Variants in UBA6 observed in about 807,000 individuals in gnomAD.
The protein encoded by UBA6 is ubiquitin-like modifier-activating enzyme 6.
A neutral mutation model predicts 148.3 loss-of-function variants in UBA6; 87 were observed. The observed-to-expected ratio is 0.59, with a 90% CI of 0.49 to 0.70. The LOEUF (loss-of-function observed/expected upper bound fraction) is 0.70, where lower values mean the gene tolerates loss of function less well. UBA6 is among the 30% of genes least tolerant of loss of function. UBA6 has a pLI of 0.00. For synonymous variants in UBA6, 376 were observed against 401.0 expected (o/e 0.94, Z 0.75); for missense variants, 1,186 against 1,241.2 (o/e 0.96, Z 0.67).
intron 1 of UBA6, among the ~76,000 whole-genome samples, chr4:67,698,685 C>T (rs959700332): frequency 9.9e-5 from 15 of 152,178 alleles, no homozygotes; most frequent in Admixed American, 8.5e-4. Context: ...ATGGGATGGG[C>T]GCGGTGGCTC....
In UBA6 at chr4:67,676,532, T is replaced by C. The variant is rs534955638; in HGVS notation, c.465+1079A>G. ...CTTGTCCACCCTTTCACTGAGGGCATAGCTCTCTGAGGCTCCAGCTTTATG... is the reference window on the plus strand; with the variant it reads ...CTTGTCCACCCTTTCACTGAGGGCACAGCTCTCTGAGGCTCCAGCTTTATG... On this transcript the variant is annotated intron_variant, in intron 6 of 32. Transcript: ENST00000322244. Among the ~76,000 whole-genome samples, 106 of 152,316 alleles carry C rather than the reference T, an allele frequency of 7.0e-4. 1 individual carries two copies. In the South Asian group the frequency reaches 0.016, roughly 23 times the overall value.
rs2109931424 is a variant in UBA6, at chr4:67,660,991, G to A, written c.1104+1198C>T. Among the ~76,000 whole-genome samples the A allele has an allele frequency of 1.3e-5, 2 of 152,278 alleles. 1 individual carries two copies. The highest frequency in any genetic ancestry group is 1.3e-4 in the Admixed American group (2 of 15,298). ...GCCCTATGGGATTTTATAGTGCATG[G>A]GGCCTGAAGTCCCTTTGTTTTGTCC... On this transcript the variant is annotated intron_variant, in intron 13 of 32. Transcript: ENST00000322244.
intron 15 of UBA6, 99 bp downstream of exon 15, chr4:67,646,625 T>C: frequency 1.2e-6 from 1 of 824,210 alleles, no homozygotes; most frequent in Non-Finnish European, 1.9e-6. Flanking sequence ...ACTACAAAAG[T>C]GATTTGGGAG....
intron 31 of UBA6, 95 bp from the exon 32 acceptor site, chr4:67,623,020 T>TA: frequency 3.0e-6 from 4 of 1,354,578 alleles, no homozygotes; most frequent in Non-Finnish European, 4.1e-6. Flanking sequence ...TTATGACCAG[T>TA]AAAAAAAGCA....
At chr4:67,627,480 A>C (rs1032129047) in intron 27 of UBA6, among the ~76,000 whole-genome samples, 4 of 151,990 alleles carry the variant, frequency 2.6e-5, no homozygotes, top group Non-Finnish European at 5.9e-5. Context: ...TGCAAGCCAG[A>C]AAACATACCG....
At chr4:67,650,253 C>T (rs1197704793) in intron 13 of UBA6, among the ~76,000 whole-genome samples, 2 of 152,066 alleles carry the variant, frequency 1.3e-5, no homozygotes, top group African/African-American at 4.8e-5. Context: ...CAAAATAATC[C>T]TTATAAATAT....
At chr4:67,644,592 C>G (rs1729377605) in intron 17 of UBA6, 106 bp downstream of exon 17, 2 of 630,802 alleles carry the variant, frequency 3.2e-6, no homozygotes, top group Non-Finnish European at 5.6e-6. Context: ...TAGTTTAATG[C>G]TCTATTTTCA....
intron 2 of UBA6, among the ~76,000 whole-genome samples, chr4:67,694,215 C>CAAAAAAAAAAAA (rs769649769): frequency 3.1e-4 from 13 of 41,874 alleles, no homozygotes; most frequent in Non-Finnish European, 4.8e-4. Context: ...GACTCCATCT[C>CAAAAAAAAAAAA]AAAAAAAAAA....
chr4:67,630,133 A>ATTC (rs1728963070), intron 26 of UBA6, among the ~76,000 whole-genome samples: 1 of 152,180 alleles, frequency 6.6e-6, no homozygotes, highest in South Asian at 2.1e-4. Flanking sequence ...CAAAATTGCG[A>ATTC]TGAAATGGTT....
intron 2 of UBA6, 127 bp downstream of exon 2, chr4:67,696,518 T>TACACACACACAC: frequency 1.8e-6 from 1 of 566,082 alleles, no homozygotes; most frequent in South Asian, 2.6e-5. Context: ...CATATATACA[T>TACACACACACAC]ACACACACAC....
chr4:67,682,361 A>T (rs972608470), intron 2 of UBA6, 148 bp from the exon 3 acceptor site: 6 of 602,268 alleles, frequency 1.0e-5, no homozygotes, highest in Non-Finnish European at 1.8e-5. Context: ...ACATTTCTGA[A>T]TTAAATGCCA....
chr4:67,624,041 G>A (rs911491079), intron 30 of UBA6, 85 bp downstream of exon 30: 5 of 1,192,364 alleles, frequency 4.2e-6, no homozygotes, highest in Middle Eastern at 3.1e-4. Flanking sequence ...AGAAAAAAGA[G>A]GTGAAGCTAG....
chr4:67,642,703 T>C (rs924305829), intron 17 of UBA6, among the ~76,000 whole-genome samples: 2 of 152,118 alleles, frequency 1.3e-5, no homozygotes, highest in Non-Finnish European at 2.9e-5. Context: ...AAGTCTATTA[T>C]GCAATCTCTT....
intron 19 of UBA6, 52 bp downstream of exon 19, chr4:67,638,891 A>G: frequency 7.4e-7 from 1 of 1,356,350 alleles, no homozygotes; most frequent in Non-Finnish European, 1.0e-6. Flanking sequence ...TGTGGGAAAC[A>G]GAAGTGAAAA....
intron 12 of UBA6, 186 bp from the exon 13 acceptor site, chr4:67,662,441 A>AT (rs1729884183): frequency 2.0e-6 from 1 of 499,754 alleles, no homozygotes. Flanking sequence ...AATCACACTT[A>AT]TATCAGTATA....
chr4:67,653,305 GC>G (rs1251484614), intron 13 of UBA6, among the ~76,000 whole-genome samples: 35 of 152,140 alleles, frequency 2.3e-4, no homozygotes, highest in Admixed American at 2.3e-3. Flanking sequence ...ACAGGTGGGT[GC>G]CCCTCTGGGA....
At chr4:67,625,244 G>C in intron 28 of UBA6, 57 bp from the exon 29 acceptor site, 1 of 1,293,688 alleles carries the variant, frequency 7.7e-7, no homozygotes, top group Middle Eastern at 2.0e-4. Context: ...GATTTTACTA[G>C]GTAAAAAGCA....
chr4:67,647,101 A>G (rs1356186407), intron 14 of UBA6, among the ~76,000 whole-genome samples: 2 of 152,176 alleles, frequency 1.3e-5, no homozygotes, highest in Non-Finnish European at 2.9e-5. Flanking sequence ...TTTCATAACT[A>G]CACAAAAGCT....
chr4:67,648,822 C>T (rs188297595), intron 14 of UBA6, among the ~76,000 whole-genome samples: 24 of 152,198 alleles, frequency 1.6e-4, no homozygotes, highest in Admixed American at 1.4e-3. Context: ...CATTCATTCC[C>T]TTACTATCAC....
Sources: allele counts gnomAD v4.1 joint callset (sites outside exome capture counted in the v4.1 genomes callset), GRCh38; gene constraint gnomAD v4.1.1; transcripts MANE v1.5; gene names NCBI Gene and HGNC (gene_info 2026-07-23, HGNC 2026-07-21).